BMPR1A: variants seen among roughly 807,000 people sequenced by gnomAD.
BMPR1A encodes the protein bone morphogenetic protein receptor type-1A.
Under a neutral mutation model 66.0 loss-of-function variants are expected in BMPR1A, and 7 were observed. That is an observed-to-expected ratio of 0.11 (90% CI 0.06 to 0.20). The LOEUF is 0.20. BMPR1A is among the 10% of genes least tolerant of loss of function. The pLI, the probability that BMPR1A is intolerant of heterozygous loss-of-function variation, is 1.00. For missense variants in BMPR1A, 408 were observed against 669.1 expected (o/e 0.61, Z 4.31); for synonymous variants, 200 against 229.7 (o/e 0.87, Z 1.17).
chr10:86,853,315 C>T (rs115752378), intron 2 of BMPR1A, among the ~76,000 whole-genome samples: 4,340 of 151,648 alleles, frequency 0.029, 130 homozygotes, highest in African/African-American at 0.075. Context: ...AAAAACAGGC[C>T]TCTTCAGAGA....
At chr10:86,903,775 G>A (rs1589284492) in intron 7 of BMPR1A, among the ~76,000 whole-genome samples, 1 of 151,690 alleles carries the variant, frequency 6.6e-6, no homozygotes, top group South Asian at 2.1e-4. Context: ...CCATGCCTAA[G>A]TTTTTGTATT....
chr10:86,909,846 A>G (rs1843451295), intron 7 of BMPR1A, among the ~76,000 whole-genome samples: 1 of 152,212 alleles, frequency 6.6e-6, no homozygotes, highest in African/African-American at 2.4e-5. Flanking sequence ...AGTTTATAAC[A>G]CAAGGGTAGG....
At chr10:86,860,841 CTTTT>C (rs1219747565) in intron 2 of BMPR1A, among the ~76,000 whole-genome samples, 2 of 135,070 alleles carry the variant, frequency 1.5e-5, no homozygotes, top group Non-Finnish European at 3.2e-5. Context: ...TGCCATAGAA[CTTTT>C]TTTTTTTTTT....
intron 1 of BMPR1A, among the ~76,000 whole-genome samples, chr10:86,760,753 T>G (rs1841040164): frequency 6.6e-6 from 1 of 152,206 alleles, no homozygotes; most frequent in African/African-American, 2.4e-5. Context: ...AATTTTGAAG[T>G]AGGAACCATT....
At chr10:86,918,662 C>T (rs1194461144) in intron 9 of BMPR1A, among the ~76,000 whole-genome samples, 1 of 143,276 alleles carries the variant, frequency 7.0e-6, no homozygotes, top group Non-Finnish European at 1.5e-5. Context: ...CTCATTCTGT[C>T]GCTCAGGCTG....
chr10:86,843,757 G>A (rs1188951046), intron 2 of BMPR1A, among the ~76,000 whole-genome samples: 1 of 152,196 alleles, frequency 6.6e-6, no homozygotes, highest in Non-Finnish European at 1.5e-5. Flanking sequence ...TCTTAGAAAG[G>A]GCAGGAAGTA....
At chr10:86,823,672 A>G (rs1011598610) in intron 1 of BMPR1A, among the ~76,000 whole-genome samples, 4 of 152,294 alleles carry the variant, frequency 2.6e-5, no homozygotes, top group African/African-American at 9.6e-5. Context: ...GGGCAGCTGT[A>G]TATTTGTCAT....
intron 1 of BMPR1A, among the ~76,000 whole-genome samples, chr10:86,765,343 G>A (rs920326319): frequency 5.3e-5 from 8 of 151,728 alleles, no homozygotes; most frequent in Non-Finnish European, 7.4e-5. Context: ...AAAATTAGCC[G>A]GGTGTGGTGG....
chr10:86,790,176 AAAAAAAAAAAAAATATATATATAT>A (rs1182412812), intron 1 of BMPR1A, among the ~76,000 whole-genome samples: 856 of 43,056 alleles, frequency 0.02, 88 homozygotes, highest in African/African-American at 0.03. Context: ...AAAAAAAAAA[AAAAAAAAAAAAAATATATATATAT>A]ATATATATAT....
chr10:86,885,983 CTGTT>C (rs900813793), intron 3 of BMPR1A, among the ~76,000 whole-genome samples: 1 of 152,086 alleles, frequency 6.6e-6, no homozygotes. Context: ...TCTCTTGTAA[CTGTT>C]TGTCTCTTTG....
rs559157009 is a variant in BMPR1A at position 86,843,963 on chromosome 10, G to A, written c.-153+4984G>A. 4.6e-5 allele frequency among the ~76,000 whole-genome samples: 7 copies of A among 152,256 alleles called. No individual in the cohort carries two copies. The South Asian group carries it at 6.2e-4, about 14-fold the overall frequency. On this transcript the variant is annotated intron_variant, in intron 2 of 12. Coordinates refer to ENST00000372037, the MANE Select transcript of BMPR1A (RefSeq NM_004329.3). ...AAAGACTCAATGATAAAGGTATTGC[G>A]GCAGAAGAAGGGACACCGATGTGTG... is the stretch of plus-strand genomic sequence containing the variant.
In BMPR1A at chr10:86,772,671, G is replaced by T. The variant is rs565879427; in HGVS notation, c.-268+15752G>T. On this transcript the variant is annotated intron_variant, in intron 1 of 12. Coordinates refer to ENST00000372037, the MANE Select transcript of BMPR1A (RefSeq NM_004329.3). ...TGAAATCTGATTTTTACCTGTTAATGCTGCTGAATAATAATAATATGGAAT... is the reference window on the plus strand; with the variant it reads ...TGAAATCTGATTTTTACCTGTTAATTCTGCTGAATAATAATAATATGGAAT... Among the ~76,000 whole-genome samples, 5 of 152,230 alleles carry T rather than the reference G, an allele frequency of 3.3e-5. No homozygotes were observed. The East Asian group carries it at 9.7e-4, about 29-fold the overall frequency.
chr10:86,780,235 T>G (rs887679752), intron 1 of BMPR1A, among the ~76,000 whole-genome samples: 2 of 152,210 alleles, frequency 1.3e-5, no homozygotes, highest in Admixed American at 1.3e-4. Context: ...TTTGCAAATA[T>G]TTTCTCACTT....
rs550029988 is a variant in BMPR1A, at chr10:86,820,962, G to C, written c.-267-17903G>C. Among the ~76,000 whole-genome samples the C allele has an allele frequency of 3.9e-5, 6 of 152,268 alleles. No individual in the cohort carries two copies. The East Asian group carries it at 1.2e-3, about 29-fold the overall frequency. On this transcript the variant is annotated intron_variant, in intron 1 of 12. Transcript: ENST00000372037. ...GGAAAATATGGAAAAGTATAAAGAA[G>C]ACAATTATCAACTGTAATACCAGCA...
chr10:86,887,575 A>G (rs1843082934), intron 3 of BMPR1A, among the ~76,000 whole-genome samples: 1 of 152,234 alleles, frequency 6.6e-6, no homozygotes, highest in Non-Finnish European at 1.5e-5. Context: ...TTCTATAGAT[A>G]GCTGAGGTTC....
chr10:86,784,596 C>T (rs919550962), intron 1 of BMPR1A, among the ~76,000 whole-genome samples: 38 of 152,002 alleles, frequency 2.5e-4, no homozygotes, highest in African/African-American at 9.2e-4. Context: ...TTTCTCTAAA[C>T]GTTTGGTAGA....
At chr10:86,854,910 T>G in intron 2 of BMPR1A, 1 of 205,434 alleles carries the variant, frequency 4.9e-6, no homozygotes, top group Non-Finnish European at 1.0e-5. Flanking sequence ...GATTATGTCA[T>G]TAAGTTCTTT....
intron 1 of BMPR1A, among the ~76,000 whole-genome samples, chr10:86,818,773 C>T (rs1842073037): frequency 6.6e-6 from 1 of 152,136 alleles, no homozygotes; most frequent in Non-Finnish European, 1.5e-5. Flanking sequence ...ATCTGACATA[C>T]CTGGATTGGA....
chr10:86,921,795 C>T, intron 11 of BMPR1A, 100 bp downstream of exon 11: 1 of 1,439,756 alleles, frequency 6.9e-7, no homozygotes, highest in East Asian at 2.3e-5. Flanking sequence ...TTTGTGGGCA[C>T]ATAGTAGGTG....
Sources: gnomAD v4.1 joint callset for allele counts (sites outside exome capture counted in the v4.1 genomes callset) on GRCh38, gnomAD v4.1.1 for gene constraint, MANE v1.5 for transcripts, NCBI Gene and HGNC (gene_info 2026-07-23, HGNC 2026-07-21) for gene names.